The following ZNF438 variants were observed in gnomAD, a reference collection of about 807,000 sequenced individuals.
ZNF438 encodes the protein zinc finger protein 438.
In ZNF438, 25 loss-of-function variants were observed where a neutral mutation model predicts 38.0. The ratio of observed to expected loss-of-function variants is 0.66; its 90% CI spans 0.48 to 0.92. ZNF438 has a LOEUF of 0.92. ZNF438 is among the 40% of genes least tolerant of loss of function. The pLI is 0.00. For synonymous variants in ZNF438, 372 were observed against 364.1 expected (o/e 1.02, Z -0.25); for missense variants, 1,007 against 999.6 (o/e 1.01, Z -0.10).
intron 1 of ZNF438, among the ~76,000 whole-genome samples, chr10:31,023,096 A>G (rs1330907336): frequency 6.6e-6 from 1 of 152,264 alleles, no homozygotes; most frequent in East Asian, 1.9e-4. Flanking sequence ...AATTATAGTA[A>G]CATGATTTGC....
rs543455633 is a variant in ZNF438 at position 30,922,251 on chromosome 10, T to C, written c.-114-13236A>G. Among the ~76,000 whole-genome samples the C allele has an allele frequency of 3.1e-3, 478 of 152,308 alleles. 2 individuals are homozygous for C. Among genetic ancestry groups the C allele is most frequent in the Non-Finnish European group, 5.3e-3 (362 of 68,028 alleles). ...CTGAAGGCAGCAGTACCTTATTGTA[T>C]CCAGGCAACACATGGTAAGGCTCTG... is the stretch of plus-strand genomic sequence containing the variant. On this transcript the variant is annotated intron_variant, in intron 2 of 5. Coordinates refer to ENST00000413025, the Ensembl canonical transcript of ZNF438.
chr10:30,900,527 T>C (rs1252464696), intron 3 of ZNF438, among the ~76,000 whole-genome samples: 1 of 152,236 alleles, frequency 6.6e-6, no homozygotes, highest in African/African-American at 2.4e-5. Flanking sequence ...TTACTATGGC[T>C]CCAAACAGTG....
chr10:30,845,123 G>A, exon 6 of ZNF438: 1 of 1,614,208 alleles, frequency 6.2e-7, no homozygotes, highest in Non-Finnish European at 8.5e-7. Context: ...GGCAGTTAAA[G>A]CCTGAATGGG....
rs185917186 is a variant in ZNF438, at chr10:30,895,323, C to T, written c.-32+13610G>A. Among the ~76,000 whole-genome samples, 14 of 152,298 alleles carry T rather than the reference C, an allele frequency of 9.2e-5. No homozygotes were observed. The East Asian group carries it at 2.7e-3, about 29-fold the overall frequency. Reference sequence around the variant, plus strand: ...TCGAGTTAGGGCATGATGGTGCTAGCCAAGAGTTCACTTTCAGGAGTAGTC... The same window carrying T: ...TCGAGTTAGGGCATGATGGTGCTAGTCAAGAGTTCACTTTCAGGAGTAGTC... On this transcript the variant is annotated intron_variant, in intron 3 of 5. Coordinates refer to ENST00000413025, the Ensembl canonical transcript of ZNF438.
chr10:30,951,572 T>C (rs2048198982), intron 1 of ZNF438, among the ~76,000 whole-genome samples: 2 of 152,144 alleles, frequency 1.3e-5, no homozygotes, highest in African/African-American at 2.4e-5. Flanking sequence ...AAAATCAATG[T>C]ACAAAAATCA....
chr10:30,912,465 T>C (rs2043180803), intron 2 of ZNF438, among the ~76,000 whole-genome samples: 1 of 152,130 alleles, frequency 6.6e-6, no homozygotes. Context: ...TGTCTCACTT[T>C]ATATTCTCTC....
chr10:30,958,171 G>A (rs1277709785), intron 1 of ZNF438, among the ~76,000 whole-genome samples: 6 of 146,288 alleles, frequency 4.1e-5, no homozygotes, highest in African/African-American at 1.5e-4. Flanking sequence ...TCACTCAACA[G>A]GGCTGTATTT....
chr10:30,845,927 C>A (rs2031948407), intron 5 of ZNF438, among the ~76,000 whole-genome samples: 1 of 152,178 alleles, frequency 6.6e-6, no homozygotes, highest in African/African-American at 2.4e-5. Context: ...ACCCTCGGTT[C>A]TGTTGAAGGT....
chr10:30,863,044 CA>C (rs1210534189), intron 4 of ZNF438, among the ~76,000 whole-genome samples: 1 of 152,196 alleles, frequency 6.6e-6, no homozygotes, highest in African/African-American at 2.4e-5. Flanking sequence ...TGATTTATAA[CA>C]TTTTTTTGCT....
At chr10:30,974,601 G>A (rs780708664) in intron 1 of ZNF438, among the ~76,000 whole-genome samples, 47 of 152,158 alleles carry the variant, frequency 3.1e-4, no homozygotes, top group African/African-American at 1.1e-3. Context: ...TACCTAATAC[G>A]AAGTCAGAAC....
intron 1 of ZNF438, among the ~76,000 whole-genome samples, chr10:30,986,379 A>C (rs1372757061): frequency 6.6e-6 from 1 of 152,206 alleles, no homozygotes. Context: ...AGAAATCATA[A>C]GCCTAAAAAA....
intron 4 of ZNF438, among the ~76,000 whole-genome samples, chr10:30,856,308 T>C (rs568663793): frequency 6.6e-6 from 1 of 152,366 alleles, no homozygotes; most frequent in Non-Finnish European, 1.5e-5. Flanking sequence ...TCCAAACATT[T>C]GCTCTTTAAG....
At chr10:30,940,695 C>G (rs2046726547) in intron 2 of ZNF438, among the ~76,000 whole-genome samples, 1 of 152,086 alleles carries the variant, frequency 6.6e-6, no homozygotes, top group Non-Finnish European at 1.5e-5. Flanking sequence ...GTTCTATATG[C>G]AGGTTTATCT....
At chr10:30,852,029 G>A (rs978456620) in intron 4 of ZNF438, among the ~76,000 whole-genome samples, 1 of 151,790 alleles carries the variant, frequency 6.6e-6, no homozygotes, top group African/African-American at 2.4e-5. Flanking sequence ...CAGGCATGGT[G>A]GCAGATGCCT....
intron 1 of ZNF438, among the ~76,000 whole-genome samples, chr10:30,998,049 C>T (rs1161891378): frequency 2.0e-5 from 3 of 152,162 alleles, no homozygotes; most frequent in Non-Finnish European, 4.4e-5. Flanking sequence ...CTGTCACTTA[C>T]CAGCTGAAAG....
intron 1 of ZNF438, among the ~76,000 whole-genome samples, chr10:31,002,080 C>G (rs149823970): frequency 6.6e-6 from 1 of 152,344 alleles, no homozygotes; most frequent in East Asian, 1.9e-4. Flanking sequence ...CAGGGAAAGG[C>G]AGTGGCTGGG....
At chr10:30,929,958 G>C (rs2045441907) in intron 2 of ZNF438, among the ~76,000 whole-genome samples, 1 of 152,206 alleles carries the variant, frequency 6.6e-6, no homozygotes, top group Non-Finnish European at 1.5e-5. Context: ...AGATATAAAA[G>C]TTCTCCAAGT....
At position 30,939,642 on chromosome 10, in the gene ZNF438, G is replaced by C. The variant is rs545657607; in HGVS notation, c.-115+1933C>G. On this transcript the variant is annotated intron_variant, in intron 2 of 5. Transcript: ENST00000413025. ...GACATGAGAGTATCAGCAACCTACA[G>C]GTAAAAGTCTCTCCTGTAACTACTG... Among the ~76,000 whole-genome samples the C allele has an allele frequency of 6.8e-5, 10 of 147,898 alleles. No individual in the cohort carries two copies. In the East Asian group the frequency reaches 1.7e-3, roughly 26 times the overall value.
chr10:30,850,393 G>A, intron 4 of ZNF438, 26 bp from the exon 6 acceptor site: 5 of 1,593,316 alleles, frequency 3.1e-6, no homozygotes, highest in Non-Finnish European at 4.3e-6. Context: ...AATATAAAGA[G>A]TTACTGTATG....
Sources: gnomAD v4.1 joint callset for allele counts (sites outside exome capture counted in the v4.1 genomes callset) on GRCh38, gnomAD v4.1.1 for gene constraint, MANE v1.5 for transcripts, NCBI Gene and HGNC (gene_info 2026-07-23, HGNC 2026-07-21) for gene names.